The following MAML2 variants were observed in gnomAD, a reference collection of about 807,000 sequenced individuals.
MAML2 encodes the protein mastermind like transcriptional coactivator 2, also known as mastermind-like protein 2.
A neutral mutation model predicts 96.1 loss-of-function variants in MAML2; 22 were observed. That is an observed-to-expected ratio of 0.23 (90% confidence interval 0.16 to 0.33). The LOEUF (loss-of-function observed/expected upper bound fraction) is 0.33, where lower values mean the gene tolerates loss of function less well. Among genes scored for constraint, MAML2 ranks in the 10% least tolerant of loss-of-function variants. The pLI is 1.00. For synonymous variants in MAML2, 561 were observed against 521.3 expected, an observed-to-expected ratio of 1.08 and a Z score of -1.04; for missense variants, 1,367 against 1,392.4, an observed-to-expected ratio of 0.98 and a Z score of 0.29.
intron 1 of MAML2, among the ~76,000 whole-genome samples, chr11:96,221,659 AG>A (rs1862139950): frequency 6.8e-6 from 1 of 146,260 alleles, no homozygotes; most frequent in Non-Finnish European, 1.5e-5. Context: ...TGCACAGTAT[AG>A]GGAAGATGTG....
Position 96,144,845 on chromosome 11 carries a change from G to A in MAML2, c.514-51328C>T, listed in dbSNP as rs145408810. On this transcript the variant is annotated intron_variant, in intron 1 of 4. Transcript: ENST00000524717. ...TTTGTTTCACTCTTATACAAATCCC[G>A]TGGAAGAGAAATGACTTTCCTCATT... Among the ~76,000 whole-genome samples the A allele has an allele frequency of 3.2e-3, 481 of 152,284 alleles. 2 individuals carry two copies. Among genetic ancestry groups the A allele is most frequent in the Middle Eastern group, 0.01 (3 of 294 alleles).
rs1413033845 is a variant in MAML2, at chr11:95,979,810, T to A, written c.2609A>T (p.Tyr870Phe). Residue 870 changes from tyrosine to phenylalanine, a missense_variant, in exon 5 of 5, where the codon TAT becomes TTT. Physicochemically the swap from Tyr to Phe is conservative, Grantham distance 22 (BLOSUM62 3). Coordinates refer to ENST00000524717, the MANE Select transcript of MAML2 (RefSeq NM_032427.4). Reference sequence around the variant, plus strand: ...AGGTTGATTACAAGGCAGATTTCCATACATCCCCATATTCTGAACTGCTGT... The same window carrying A: ...AGGTTGATTACAAGGCAGATTTCCAAACATCCCCATATTCTGAACTGCTGT... ...LSTAVQNMGM[Y>F]GNLPCNQPNT... The A allele has an allele frequency of 6.2e-7, 1 of 1,613,990 alleles. No individual in the cohort carries two copies. Among genetic ancestry groups the A allele is most frequent in the Non-Finnish European group, 8.5e-7 (1 of 1,179,882 alleles).
At chr11:96,098,917 T>G (rs751472992) in intron 1 of MAML2, among the ~76,000 whole-genome samples, 4 of 152,236 alleles carry the variant, frequency 2.6e-5, no homozygotes, top group Non-Finnish European at 5.9e-5. Flanking sequence ...GATTTGAAAA[T>G]GCCATTATTG....
chr11:96,117,602 A>G (rs1860266513), intron 1 of MAML2, among the ~76,000 whole-genome samples: 1 of 152,166 alleles, frequency 6.6e-6, no homozygotes, highest in Admixed American at 6.5e-5. Context: ...GCCCAGCACA[A>G]AGCTCTTGTG....
intron 1 of MAML2, among the ~76,000 whole-genome samples, chr11:96,190,285 C>T (rs1001188200): frequency 3.9e-5 from 6 of 152,170 alleles, no homozygotes; most frequent in African/African-American, 1.4e-4. Flanking sequence ...AAAGGAAGTA[C>T]TGTTGCAGAT....
At chr11:96,336,986 A>G (rs951049728) in intron 1 of MAML2, among the ~76,000 whole-genome samples, 1 of 152,250 alleles carries the variant, frequency 6.6e-6, no homozygotes, top group Non-Finnish European at 1.5e-5. Flanking sequence ...GGTTTACATG[A>G]TAACATCACC....
intron 1 of MAML2, among the ~76,000 whole-genome samples, chr11:96,315,959 G>T (rs959290228): frequency 6.6e-6 from 1 of 152,204 alleles, no homozygotes; most frequent in Middle Eastern, 3.2e-3. Context: ...GGGATATACA[G>T]TTTTTCTATC....
At position 96,081,315 on chromosome 11, in the gene MAML2, T is replaced by C. The variant is rs150336041; in HGVS notation, c.2139+10577A>G. ...AATATTCATTATGAATATGAATATT[T>C]ATAATATTCATATAAGATTTTATAA... On this transcript the variant is annotated intron_variant, in intron 2 of 4. Transcript: ENST00000524717. 3.4e-3 allele frequency among the ~76,000 whole-genome samples: 513 copies of C among 151,934 alleles called. 4 individuals are homozygous for C. The highest frequency in any genetic ancestry group is 0.012 in the African/African-American group (485 of 41,520).
At chr11:96,095,185 T>G (rs1449422734) in intron 1 of MAML2, among the ~76,000 whole-genome samples, 4 of 152,112 alleles carry the variant, frequency 2.6e-5, no homozygotes, top group Admixed American at 2.6e-4. Flanking sequence ...AGGGCTAGGA[T>G]CAACCTAGTA....
rs907303373 is a variant in MAML2, at chr11:96,070,263, C to T, written c.2139+21629G>A. On this transcript the variant is annotated intron_variant, in intron 2 of 4. Transcript: ENST00000524717. ...TGAGATGGCGCCACTGCACTCCAGC[C>T]TGGGCGACACAGCGAGACTCCGTTT... Among the ~76,000 whole-genome samples the T allele has an allele frequency of 6.6e-5, 10 of 152,018 alleles. No individual in the cohort carries two copies. In the South Asian group the frequency reaches 8.4e-4, roughly 13 times the overall value.
chr11:96,180,108 TAAG>T (rs1168098840), intron 1 of MAML2, among the ~76,000 whole-genome samples: 2 of 152,140 alleles, frequency 1.3e-5, no homozygotes, highest in Non-Finnish European at 2.9e-5. Flanking sequence ...CAGAATTGCC[TAAG>T]AAGGTCATAG....
chr11:96,295,341 A>C (rs894845454), intron 1 of MAML2, among the ~76,000 whole-genome samples: 12 of 152,210 alleles, frequency 7.9e-5, no homozygotes, highest in Admixed American at 4.6e-4. Flanking sequence ...GAAACATAGG[A>C]ATGAACTAGC....
chr11:96,191,332 C>T (rs564652353), intron 1 of MAML2, among the ~76,000 whole-genome samples: 19 of 151,848 alleles, frequency 1.3e-4, no homozygotes, highest in African/African-American at 3.9e-4. Flanking sequence ...GGTGTGGTGG[C>T]GCATGCCTGT....
At chr11:96,232,130 C>A (rs1224645861) in intron 1 of MAML2, among the ~76,000 whole-genome samples, 1 of 152,124 alleles carries the variant, frequency 6.6e-6, no homozygotes, top group East Asian at 1.9e-4. Flanking sequence ...GTCTGAGGGG[C>A]AAATTTAGAT....
At chr11:96,077,239 T>TTTTTTAA (rs375340984) in intron 2 of MAML2, among the ~76,000 whole-genome samples, 1 of 148,462 alleles carries the variant, frequency 6.7e-6, no homozygotes, top group African/African-American at 2.5e-5. Flanking sequence ...TTTTTTTTTT[T>TTTTTTAA]AAAGACAGTC....
At chr11:96,049,629 G>A (rs1213686382) in intron 2 of MAML2, among the ~76,000 whole-genome samples, 1 of 152,132 alleles carries the variant, frequency 6.6e-6, no homozygotes, top group Non-Finnish European at 1.5e-5. Flanking sequence ...TCTGAGCTTT[G>A]GTTTTTGCTA....
At chr11:96,303,834 A>C (rs1863425842) in intron 1 of MAML2, among the ~76,000 whole-genome samples, 1 of 152,182 alleles carries the variant, frequency 6.6e-6, no homozygotes, top group Non-Finnish European at 1.5e-5. Context: ...GCCTCACCCA[A>C]GGCTGCCAGA....
Position 96,135,734 on chromosome 11 carries a change from C to T in MAML2, c.514-42217G>A, listed in dbSNP as rs565258330. Among the ~76,000 whole-genome samples, 10 of 151,592 alleles carry T rather than the reference C, an allele frequency of 6.6e-5. No homozygotes were observed. The South Asian group carries it at 1.0e-3, about 16-fold the overall frequency. ...CTTTAGAGGAGTGATTCTTCTGGCT[C>T]GCTGCTCAAGGCTGCATTCTTAATT... On this transcript the variant is annotated intron_variant, in intron 1 of 4. Transcript: ENST00000524717.
At chr11:96,009,921 G>A (rs1430294338) in intron 2 of MAML2, among the ~76,000 whole-genome samples, 1 of 152,122 alleles carries the variant, frequency 6.6e-6, no homozygotes, top group African/African-American at 2.4e-5. Context: ...TATGGTCAAG[G>A]ATAAAAAACC....
Sources: allele counts gnomAD v4.1 joint callset (sites outside exome capture counted in the v4.1 genomes callset), GRCh38; gene constraint gnomAD v4.1.1; transcripts MANE v1.5; gene names NCBI Gene and HGNC (gene_info 2026-07-23, HGNC 2026-07-21).